Variants in STRN observed in about 807,000 individuals in gnomAD.
STRN encodes the protein protein phosphatase 2 regulatory subunit B'''alpha.
In STRN, 53 loss-of-function variants were observed where a neutral mutation model predicts 96.3. That is an observed-to-expected ratio of 0.55 (90% CI 0.44 to 0.69). STRN has a LOEUF of 0.69. Ranked by LOEUF, STRN falls within the 30% of genes least tolerant of loss-of-function variation. The probability of loss-of-function intolerance (pLI) is 0.00; values close to 1 mark genes in which losing one functional copy is unlikely to be tolerated. For synonymous variants in STRN, 428 were observed against 355.9 expected, an observed-to-expected ratio of 1.20 and a Z score of -2.28; for missense variants, 987 against 963.9, an observed-to-expected ratio of 1.02 and a Z score of -0.32.
intron 7 of STRN, among the ~76,000 whole-genome samples, chr2:36,890,609 G>A (rs536737923): frequency 2.7e-5 from 4 of 148,876 alleles, no homozygotes; most frequent in South Asian, 2.1e-4. Context: ...TCAGCCTCCC[G>A]AGTAGCTGGG....
At chr2:36,949,527 G>A (rs958375255) in intron 1 of STRN, among the ~76,000 whole-genome samples, 2 of 152,188 alleles carry the variant, frequency 1.3e-5, no homozygotes, top group Non-Finnish European at 2.9e-5. Flanking sequence ...TTCTACTTTA[G>A]TCACCCAGAT....
intron 1 of STRN, among the ~76,000 whole-genome samples, chr2:36,957,639 T>C (rs1038605585): frequency 5.3e-5 from 8 of 149,720 alleles, no homozygotes; most frequent in Non-Finnish European, 1.2e-4. Flanking sequence ...TCTAGACATC[T>C]ACCAGAAGGA....
intron 1 of STRN, among the ~76,000 whole-genome samples, chr2:36,959,037 A>T (rs1432721863): frequency 6.6e-6 from 1 of 152,012 alleles, no homozygotes; most frequent in Non-Finnish European, 1.5e-5. Context: ...AATTGCTTGA[A>T]CCCAGGAGGC....
chr2:36,856,535 C>T (rs921002577), intron 14 of STRN, among the ~76,000 whole-genome samples: 3 of 152,084 alleles, frequency 2.0e-5, no homozygotes, highest in Non-Finnish European at 2.9e-5. Flanking sequence ...ATACAAAGAA[C>T]ACATACTTTA....
rs1333502658 is a variant in STRN, at chr2:36,841,430, A to G, written c.*8026T>C. On this transcript the variant is annotated 3_prime_UTR_variant, in exon 18 of 18. Transcript: ENST00000263918. ...GGGTATTATTCACAAACAACTGTCA[A>G]AAGATATGAGACCACCGAGTTTTTC... is the stretch of plus-strand genomic sequence containing the variant. The G allele has an allele frequency of 6.6e-6, 1 of 152,222 alleles. No individual in the cohort carries two copies. Among genetic ancestry groups the G allele is most frequent in the Non-Finnish European group, 1.5e-5 (1 of 68,034 alleles). 9.4% of individuals were successfully genotyped at this position (152,222 alleles called of 1,614,324 possible). A position where few individuals can be genotyped will look rare whatever the true frequency, so the allele number is the denominator to read the frequency against.
intron 7 of STRN, among the ~76,000 whole-genome samples, chr2:36,892,322 C>G (rs1482102732): frequency 6.6e-6 from 1 of 152,140 alleles, no homozygotes; most frequent in Admixed American, 6.5e-5. Context: ...GGGTACTATG[C>G]TCAGTACATG....
intron 1 of STRN, among the ~76,000 whole-genome samples, chr2:36,927,376 G>C (rs1258751445): frequency 1.3e-5 from 2 of 152,038 alleles, no homozygotes; most frequent in African/African-American, 4.8e-5. Context: ...AGGCATGGTG[G>C]CATGTGTCTG....
At chr2:36,896,938 C>A (rs1298337053) in intron 6 of STRN, among the ~76,000 whole-genome samples, 3 of 152,274 alleles carry the variant, frequency 2.0e-5, no homozygotes, top group South Asian at 2.1e-4. Flanking sequence ...GAGGCCAAGG[C>A]AGGCGGATCA....
At chr2:36,937,387 G>A (rs1441076116) in intron 1 of STRN, among the ~76,000 whole-genome samples, 2 of 151,554 alleles carry the variant, frequency 1.3e-5, no homozygotes, top group Admixed American at 1.3e-4. Context: ...AAGAAAAAGA[G>A]GTCGGGCATA....
At chr2:36,938,851 A>G (rs1358031675) in intron 1 of STRN, among the ~76,000 whole-genome samples, 2 of 152,242 alleles carry the variant, frequency 1.3e-5, no homozygotes, top group East Asian at 1.9e-4. Context: ...AATTACAGAT[A>G]TCTTTGAACA....
intron 16 of STRN, among the ~76,000 whole-genome samples, chr2:36,850,017 T>C (rs1317920913): frequency 6.6e-6 from 1 of 152,218 alleles, no homozygotes; most frequent in Non-Finnish European, 1.5e-5. Flanking sequence ...GATTACACTT[T>C]TGTCTTTTAA....
chr2:36,966,004 G>C (rs1665149185), intron 1 of STRN, among the ~76,000 whole-genome samples: 1 of 152,040 alleles, frequency 6.6e-6, no homozygotes, highest in African/African-American at 2.4e-5. Context: ...GAACAGGCGT[G>C]GGGAGGGTAA....
chr2:36,933,042 T>G (rs1670612943), intron 1 of STRN, among the ~76,000 whole-genome samples: 1 of 141,742 alleles, frequency 7.1e-6, no homozygotes, highest in Admixed American at 7.1e-5. Context: ...GGCTAGAAAT[T>G]CCATTTTTTT....
Position 36,883,110 on chromosome 2 carries a change from T to A in STRN, c.1186+822A>T, listed in dbSNP as rs564135957. On this transcript the variant is annotated intron_variant, in intron 9 of 17. Coordinates refer to ENST00000263918, the MANE Select transcript of STRN (RefSeq NM_003162.4). The stretch of plus-strand genomic sequence containing the variant: ...CAAAATAGAATTATTATACATGATG[T>A]AGAATAATGCATATTTTTATATAGG... Among the ~76,000 whole-genome samples the A allele has an allele frequency of 5.9e-5, 9 of 152,296 alleles. No homozygotes were observed. In the South Asian group the frequency reaches 1.9e-3, roughly 32 times the overall value.
intron 10 of STRN, among the ~76,000 whole-genome samples, chr2:36,875,158 G>A (rs368788414): frequency 6.6e-6 from 1 of 152,210 alleles, no homozygotes; most frequent in East Asian, 1.9e-4. Flanking sequence ...ACCCACTGAA[G>A]AGTAGCAAAA....
chr2:36,935,484 AATT>A (rs1282567278), intron 1 of STRN, among the ~76,000 whole-genome samples: 1 of 152,190 alleles, frequency 6.6e-6, no homozygotes, highest in Non-Finnish European at 1.5e-5. Flanking sequence ...ACTATGACAT[AATT>A]ATTGTCTTGT....
chr2:36,902,535 TTAA>T, intron 5 of STRN, 46 bp downstream of exon 5: 3 of 1,460,176 alleles, frequency 2.1e-6, no homozygotes, highest in Non-Finnish European at 2.7e-6. Context: ...CCAAAAATAT[TTAA>T]TAAGAACTAA....
chr2:36,890,811 G>A (rs1669377057), intron 7 of STRN, among the ~76,000 whole-genome samples: 6 of 151,850 alleles, frequency 4.0e-5, no homozygotes, highest in Admixed American at 3.3e-4. Context: ...ATGATTCTTG[G>A]GCAAATGAAC....
chr2:36,856,276 A>G (rs1301725733), intron 14 of STRN, among the ~76,000 whole-genome samples: 1 of 152,190 alleles, frequency 6.6e-6, no homozygotes, highest in Non-Finnish European at 1.5e-5. Flanking sequence ...ACTTCACATA[A>G]AGTAAAATAA....
Sources: allele counts gnomAD v4.1 joint callset (sites outside exome capture counted in the v4.1 genomes callset), GRCh38; gene constraint gnomAD v4.1.1; transcripts MANE v1.5; gene names NCBI Gene and HGNC (gene_info 2026-07-23, HGNC 2026-07-21).